The following CRNKL1 variants were observed in gnomAD, a reference collection of about 807,000 sequenced individuals.
CRNKL1 encodes crooked neck-like protein 1.
CRNKL1 carries 35 observed loss-of-function variants against 103.7 expected under a neutral mutation model. The observed-to-expected ratio is 0.34, with a 90% CI of 0.26 to 0.45. CRNKL1 has a LOEUF of 0.45. Ranked by LOEUF, CRNKL1 falls within the 20% of genes least tolerant of loss-of-function variation. CRNKL1 has a pLI of 1.00. For synonymous variants in CRNKL1, 267 were observed against 282.6 expected (o/e 0.94, Z 0.55); for missense variants, 645 against 836.0 (o/e 0.77, Z 2.82).
chr20:20,041,111 C>G (rs1397205117), intron 9 of CRNKL1, among the ~76,000 whole-genome samples: 1 of 152,238 alleles, frequency 6.6e-6, no homozygotes, highest in Non-Finnish European at 1.5e-5. Flanking sequence ...TGTCCTACCT[C>G]TATTCTGAAA....
chr20:20,039,649 T>C lies in CRNKL1; in HGVS notation c.1505A>G (p.Tyr502Cys), dbSNP rs367634775. The change falls in exon 11 of 14, where the codon TAT becomes TGT. Residue 502 changes from tyrosine to cysteine, a missense_variant. Physicochemically the swap from Tyr to Cys is radical, Grantham distance 194. This residue lies in a region of CRNKL1 where 582 missense variants were observed against 707.7 expected (regional missense o/e 0.82). Coordinates refer to ENST00000536226, the MANE Select transcript of CRNKL1 (RefSeq NM_001278628.2). ...LGDIDRARAIYELAISQPRLD... is the reference protein window; with the variant it reads ...LGDIDRARAICELAISQPRLD... ...ACGTGGCTGACTGATGGCTAATTCA[T>C]AGATTGCCCGTGCTCTGTCAATATC... 2.2e-5 allele frequency: 35 copies of C among 1,614,096 alleles called. No homozygotes were observed. Among genetic ancestry groups the C allele is most frequent in the Admixed American group, 3.3e-5 (2 of 60,010 alleles).
At chr20:20,052,498 C>A (rs754934321), upstream of CRNKL1, 2 of 1,614,250 alleles carry the variant, frequency 1.2e-6, no homozygotes, top group African/African-American at 1.3e-5. Flanking sequence ...CTCGCTTGAG[C>A]CGTGACGGAG....
At chr20:20,054,215 T>G (rs536527674), upstream of CRNKL1, among the ~76,000 whole-genome samples, 23 of 152,146 alleles carry the variant, frequency 1.5e-4, no homozygotes, top group Middle Eastern at 3.4e-3. Context: ...TTTCAGTCTT[T>G]GTATGAAATT....
chr20:20,039,881 C>G, intron 10 of CRNKL1, 33 bp from the exon 11 acceptor site: 1 of 1,607,248 alleles, frequency 6.2e-7, no homozygotes, highest in Non-Finnish European at 8.5e-7. Context: ...CACTGTGATA[C>G]TGTAGTGGAT....
chr20:20,042,543 A>G, intron 7 of CRNKL1, 27 bp from the exon 8 acceptor site: 2 of 1,579,384 alleles, frequency 1.3e-6, no homozygotes, highest in Non-Finnish European at 1.7e-6. Context: ...TTTAATAAAT[A>G]AAAAACAAAA....
At chr20:20,040,209 G>C (rs2043489509) in intron 10 of CRNKL1, among the ~76,000 whole-genome samples, 2 of 152,018 alleles carry the variant, frequency 1.3e-5, no homozygotes, top group African/African-American at 4.8e-5. Context: ...CATTCTGAGA[G>C]GCCAACATGG....
intron 11 of CRNKL1, chr20:20,038,746 G>C (rs112559901): frequency 3.7e-6 from 1 of 271,880 alleles, no homozygotes. Flanking sequence ...GCATCTCCCA[G>C]GTACTCCATA....
At chr20:20,038,640 C>T in intron 11 of CRNKL1, 190 bp from the exon 12 acceptor site, 1 of 452,378 alleles carries the variant, frequency 2.2e-6, no homozygotes. Context: ...GGCTAGAATT[C>T]CAGATTACAG....
At chr20:20,051,508 AATG>A (rs1451758634) in intron 1 of CRNKL1, among the ~76,000 whole-genome samples, 4 of 152,234 alleles carry the variant, frequency 2.6e-5, no homozygotes, top group South Asian at 2.1e-4. Context: ...CATGTGGAGT[AATG>A]ATGATAATGG....
At chr20:20,052,236 C>A in intron 1 of CRNKL1, 56 bp downstream of exon 1, 3 of 1,488,388 alleles carry the variant, frequency 2.0e-6, no homozygotes, top group Non-Finnish European at 2.7e-6. Context: ...ACCCTCAGGG[C>A]TGAGGGATGC....
Position 20,040,670 on chromosome 20 carries a change from T to A in CRNKL1, c.1305+16A>T. 1 of 1,583,968 alleles carries A rather than the reference T, an allele frequency of 6.3e-7. No individual in the cohort carries two copies. On this transcript the variant is annotated intron_variant, in intron 10 of 13. Coordinates refer to ENST00000536226, the MANE Select transcript of CRNKL1 (RefSeq NM_001278628.2). ...CATAGAACTTGATGAGACATCTTGA[T>A]CCTTTCTTTACTTACCAATGCTCTT...
intron 6 of CRNKL1, among the ~76,000 whole-genome samples, chr20:20,043,891 A>C (rs2043555036): frequency 6.6e-6 from 1 of 152,058 alleles, no homozygotes; most frequent in Non-Finnish European, 1.5e-5. Context: ...TGCCAACTGG[A>C]TGTCTACTGC....
Position 20,042,344 on chromosome 20 carries a change from T to G in CRNKL1, c.1145A>C (p.Tyr382Ser). 1 of 1,595,472 alleles carries G rather than the reference T, an allele frequency of 6.3e-7. No individual in the cohort carries two copies. Residue 382 changes from tyrosine (Y) to serine (S), a missense_variant, in exon 8 of 14, where the codon TAT (tyrosine) becomes TCT (serine). By Grantham distance (144) the Tyr-to-Ser change is moderately radical. This residue lies in a region of CRNKL1 where 582 missense variants were observed against 707.7 expected (regional missense o/e 0.82). Coordinates refer to ENST00000536226, the MANE Select transcript of CRNKL1 (RefSeq NM_001278628.2). ...YIYLWINYAL[Y>S]EELEAKDPER... is the part of the protein sequence containing the mutation. ...TTTCACCTTTGCCTCCAATTCTTCATAGAGTGCATAGTTGATCCAAAGATA... is the reference window on the plus strand; with the variant it reads ...TTTCACCTTTGCCTCCAATTCTTCAGAGAGTGCATAGTTGATCCAAAGATA...
At chr20:20,040,327 A>C (rs1344919122) in intron 10 of CRNKL1, among the ~76,000 whole-genome samples, 1 of 147,526 alleles carries the variant, frequency 6.8e-6, no homozygotes, top group Non-Finnish European at 1.5e-5. Flanking sequence ...AAAACCAAAC[A>C]AACAAAAAAA....
intron 11 of CRNKL1, among the ~76,000 whole-genome samples, chr20:20,039,110 T>C (rs1210225423): frequency 6.6e-6 from 1 of 152,214 alleles, no homozygotes; most frequent in East Asian, 1.9e-4. Flanking sequence ...ACGACTCATG[T>C]GAGATTCAAA....
At chr20:20,041,976 T>C (rs1413590957) in intron 8 of CRNKL1, among the ~76,000 whole-genome samples, 2 of 152,216 alleles carry the variant, frequency 1.3e-5, no homozygotes, top group Non-Finnish European at 2.9e-5. Flanking sequence ...AAAGCAAAAA[T>C]GCATAATCTA....
rs2043397273 is a variant in CRNKL1 at position 20,034,995 on chromosome 20, A to G, written c.*1200T>C. 1 of 152,094 alleles carries G rather than the reference A, an allele frequency of 6.6e-6. No individual in the cohort carries two copies. Among genetic ancestry groups the G allele is most frequent in the African/African-American group, 2.4e-5 (1 of 41,346 alleles). 9.4% of individuals were successfully genotyped at this position (152,094 alleles called of 1,614,324 possible). ...GTGCTTGAGAAACACAGTCCAGGTT[A>G]AAGGAAAACTCTCAGATCGGTTAAT... On this transcript the variant is annotated 3_prime_UTR_variant, in exon 14 of 14. Transcript: ENST00000536226.
intron 11 of CRNKL1, chr20:20,038,746 G>T: frequency 3.7e-6 from 1 of 271,880 alleles, no homozygotes; most frequent in Non-Finnish European, 6.9e-6. Context: ...GCATCTCCCA[G>T]GTACTCCATA....
chr20:20,040,618 C>A (rs2043497978), intron 10 of CRNKL1, 68 bp downstream of exon 10: 9 of 1,216,990 alleles, frequency 7.4e-6, no homozygotes, highest in Non-Finnish European at 1.1e-5. Context: ...GTACAACTTC[C>A]AAGCACCAAG....
Sources: gnomAD v4.1 joint callset for allele counts (sites outside exome capture counted in the v4.1 genomes callset) on GRCh38, gnomAD v4.1.1 for gene constraint, gnomAD v4.1.1 regional missense constraint, MANE v1.5 for transcripts, NCBI Gene and HGNC (gene_info 2026-07-23, HGNC 2026-07-21) for gene names.